DARS1: variants seen among roughly 807,000 people sequenced by gnomAD.
DARS1 encodes the protein aspartyl-tRNA synthetase 1.
In DARS1, 51 loss-of-function variants were observed where a neutral mutation model predicts 68.8. That is an observed-to-expected ratio of 0.74 (90% CI 0.59 to 0.94). The LOEUF (loss-of-function observed/expected upper bound fraction) is 0.94. Among genes scored for constraint, DARS1 ranks in the 40% least tolerant of loss-of-function variants. The probability of loss-of-function intolerance (pLI) is 0.00; values close to 1 mark genes in which losing one functional copy is unlikely to be tolerated. For synonymous variants in DARS1, 203 were observed against 190.4 expected (o/e 1.07, Z -0.55); for missense variants, 607 against 597.3 (o/e 1.02, Z -0.17).
intron 10 of DARS1, among the ~76,000 whole-genome samples, chr2:135,918,764 T>C (rs897922480): frequency 6.6e-6 from 1 of 152,214 alleles, no homozygotes; most frequent in Non-Finnish European, 1.5e-5. Flanking sequence ...GGATTATAAA[T>C]GCGAACAGAA....
chr2:135,944,360 T>C (rs116471228), intron 4 of DARS1, among the ~76,000 whole-genome samples: 1 of 152,174 alleles, frequency 6.6e-6, no homozygotes, highest in South Asian at 2.1e-4. Flanking sequence ...AAAATTCTAT[T>C]CATTCTGATG....
chr2:135,985,545 C>G lies in DARS1; in HGVS notation c.-77G>C, dbSNP rs983033049. The G allele has an allele frequency of 1.2e-6, 2 of 1,607,700 alleles. No homozygotes were observed. The highest frequency in any genetic ancestry group is 2.2e-5 in the South Asian group (2 of 89,864). ...AGGCAGGCCAAAGGGGCTTCTCCCT[C>G]CCTCCCAGTCTCCGCCCTCCCGACC... On this transcript the variant is annotated 5_prime_UTR_variant, in exon 1 of 16. Transcript: ENST00000264161.
intron 4 of DARS1, among the ~76,000 whole-genome samples, chr2:135,943,795 T>C (rs1222903232): frequency 6.6e-6 from 1 of 152,210 alleles, no homozygotes; most frequent in Non-Finnish European, 1.5e-5. Context: ...TTAAAGAACA[T>C]TTCCCTCCCT....
intron 15 of DARS1, 66 bp downstream of exon 15, chr2:135,911,073 T>G: frequency 1.4e-6 from 1 of 729,694 alleles, no homozygotes; most frequent in South Asian, 1.7e-5. Flanking sequence ...TAAAAATTCT[T>G]GTAATTCAAA....
At chr2:135,939,415 T>A (rs1681544823) in intron 5 of DARS1, among the ~76,000 whole-genome samples, 1 of 152,068 alleles carries the variant, frequency 6.6e-6, no homozygotes, top group Non-Finnish European at 1.5e-5. Flanking sequence ...GACTACTGAG[T>A]ACATAATGAA....
At chr2:135,975,038 T>C (rs1682464424) in intron 3 of DARS1, among the ~76,000 whole-genome samples, 1 of 152,090 alleles carries the variant, frequency 6.6e-6, no homozygotes, top group Admixed American at 6.6e-5. Flanking sequence ...TGAAATACTA[T>C]GAAACCATTA....
At chr2:135,915,647 G>C (rs1488817201) in intron 11 of DARS1, among the ~76,000 whole-genome samples, 1 of 151,964 alleles carries the variant, frequency 6.6e-6, no homozygotes, top group Admixed American at 6.6e-5. Context: ...TCTAAATTTA[G>C]ATAATACTAT....
rs185262588 is a variant in DARS1, at chr2:135,979,696, C to T, written c.125-330G>A. 1.1e-4 allele frequency among the ~76,000 whole-genome samples: 16 copies of T among 152,336 alleles called. 1 individual carries two copies. The highest frequency in any genetic ancestry group is 4.6e-4 in the Admixed American group (7 of 15,308). On this transcript the variant is annotated intron_variant, in intron 2 of 15. Transcript: ENST00000264161. ...CCTGTGTCCCCTTCTAATTCAGTCT[C>T]CTTTGAAGTCAGACAGTTTCAAAAT...
chr2:135,948,926 A>T (rs1451449479), intron 4 of DARS1, among the ~76,000 whole-genome samples: 1 of 152,134 alleles, frequency 6.6e-6, no homozygotes, highest in Non-Finnish European at 1.5e-5. Flanking sequence ...TAACCTACCA[A>T]CTAGTAAAAC....
intron 11 of DARS1, chr2:135,914,805 A>G: frequency 4.0e-6 from 1 of 252,968 alleles, no homozygotes. Flanking sequence ...ATTTCCTACA[A>G]TTACACATAA....
chr2:135,980,296 T>C (rs1044174778), intron 2 of DARS1: 3 of 152,240 alleles, frequency 2.0e-5, no homozygotes, highest in Non-Finnish European at 2.9e-5. Flanking sequence ...TTTGCTACTC[T>C]TCTAAATGCA....
At chr2:135,944,737 G>C (rs1274112478) in intron 4 of DARS1, among the ~76,000 whole-genome samples, 1 of 152,136 alleles carries the variant, frequency 6.6e-6, no homozygotes, top group Non-Finnish European at 1.5e-5. Flanking sequence ...CTCTTCTGAG[G>C]CTTGAAGGGA....
At chr2:135,941,809 A>G (rs1482731595) in intron 5 of DARS1, among the ~76,000 whole-genome samples, 2 of 152,234 alleles carry the variant, frequency 1.3e-5, no homozygotes, top group African/African-American at 4.8e-5. Context: ...CAACAAATTT[A>G]CAAGAAAAAA....
chr2:135,946,206 T>C (rs1172773549), intron 4 of DARS1, among the ~76,000 whole-genome samples: 1 of 151,718 alleles, frequency 6.6e-6, no homozygotes, highest in Non-Finnish European at 1.5e-5. Flanking sequence ...GTAGAAAGAG[T>C]CTGATTATAT....
intron 9 of DARS1, among the ~76,000 whole-genome samples, chr2:135,922,158 T>C (rs1447991199): frequency 1.3e-5 from 2 of 151,646 alleles, no homozygotes; most frequent in Non-Finnish European, 2.9e-5. Context: ...TATTTGTTAG[T>C]AGTTTCTAAT....
intron 2 of DARS1, among the ~76,000 whole-genome samples, chr2:135,981,773 A>G (rs916261931): frequency 3.3e-5 from 5 of 151,000 alleles, no homozygotes; most frequent in Non-Finnish European, 7.4e-5. Flanking sequence ...GGCTCAAGTG[A>G]TCCTCCCATC....
chr2:135,949,965 G>A (rs1278793292), intron 4 of DARS1, among the ~76,000 whole-genome samples: 1 of 152,096 alleles, frequency 6.6e-6, no homozygotes, highest in African/African-American at 2.4e-5. Flanking sequence ...TGCTAAGATC[G>A]TTATCTACTT....
At chr2:135,929,462 A>G (rs532049347) in intron 7 of DARS1, among the ~76,000 whole-genome samples, 1 of 152,332 alleles carries the variant, frequency 6.6e-6, no homozygotes, top group South Asian at 2.1e-4. Flanking sequence ...CTAAGCAATA[A>G]TATCCATGAA....
In DARS1 at chr2:135,907,790, C is replaced by A. The variant is rs573768533; in HGVS notation, c.1415-383G>T. 8.1e-4 allele frequency among the ~76,000 whole-genome samples: 123 copies of A among 152,296 alleles called. 1 individual carries two copies. The highest frequency in any genetic ancestry group is 2.8e-3 in the African/African-American group (118 of 41,570). ...AGGCAATGAGGATGAGAGCCATAAACTTGCTTAAGCAATAATAGAAGTATG... is the reference window on the plus strand; with the variant it reads ...AGGCAATGAGGATGAGAGCCATAAAATTGCTTAAGCAATAATAGAAGTATG... On this transcript the variant is annotated intron_variant, in intron 15 of 15. Coordinates refer to ENST00000264161, the MANE Select transcript of DARS1 (RefSeq NM_001349.4).
Sources: gnomAD v4.1 joint callset for allele counts (sites outside exome capture counted in the v4.1 genomes callset) on GRCh38, gnomAD v4.1.1 for gene constraint, MANE v1.5 for transcripts, NCBI Gene and HGNC (gene_info 2026-07-23, HGNC 2026-07-21) for gene names.